The following PLCZ1 variants were observed in gnomAD, a reference collection of about 807,000 sequenced individuals.
PLCZ1 encodes the protein 1-phosphatidylinositol 4,5-bisphosphate phosphodiesterase zeta-1.
A neutral mutation model predicts 76.8 loss-of-function variants in PLCZ1; 64 were observed. The observed-to-expected ratio is 0.83, with a 90% confidence interval of 0.68 to 1.03. The LOEUF is 1.03. Among genes scored for constraint, PLCZ1 ranks in the 50% least tolerant of loss-of-function variants. The pLI is 0.00. For missense variants in PLCZ1, 751 were observed against 713.7 expected (o/e 1.05, Z -0.60); for synonymous variants, 248 against 230.8 (o/e 1.07, Z -0.68).
At chr12:18,721,163 TTAAA>T (rs1958413684) in intron 4 of PLCZ1, among the ~76,000 whole-genome samples, 1 of 152,094 alleles carries the variant, frequency 6.6e-6, no homozygotes, top group South Asian at 2.1e-4. Context: ...TACTGAATAA[TTAAA>T]TAAATATCTT....
chr12:18,714,329 A>T (rs1434173641), intron 5 of PLCZ1, among the ~76,000 whole-genome samples: 1 of 152,230 alleles, frequency 6.6e-6, no homozygotes, highest in African/African-American at 2.4e-5. Context: ...AGCAACACTA[A>T]CATAAGGCAA....
chr12:18,652,886 T>C, the PLCZ1 span, among the ~76,000 whole-genome samples: 1 of 152,012 alleles, frequency 6.6e-6, no homozygotes, highest in African/African-American at 2.4e-5. Flanking sequence ...ACATTGAACA[T>C]ATACATATAT....
the PLCZ1 span, among the ~76,000 whole-genome samples, chr12:18,647,343 G>C: frequency 1.3e-5 from 2 of 151,510 alleles, no homozygotes; most frequent in African/African-American, 2.4e-5. Context: ...CTACCTATTG[G>C]GTGCTACGTT....
chr12:18,696,244 G>C lies in PLCZ1; in HGVS notation c.1197C>G (p.Thr399=). 4 of 1,578,848 alleles carry C rather than the reference G, an allele frequency of 2.5e-6. No homozygotes were observed. Among genetic ancestry groups the C allele is most frequent in the Non-Finnish European group, 3.5e-6 (4 of 1,158,640 alleles). Residue 399 remains threonine (T), a synonymous_variant, in exon 11 of 15, where the codon ACC becomes ACG. Transcript: ENST00000266505. ...KLRVHEFIFH[T]RKFITRIYPK... ...GATATATTCTGGTAATGAACTTCCT[G>C]GTGTGAAAAATAAACTCATGGACTG...
At chr12:18,713,883 A>C (rs1335016172) in intron 5 of PLCZ1, 1 of 152,226 alleles carries the variant, frequency 6.6e-6, no homozygotes, top group African/African-American at 2.4e-5. Flanking sequence ...AGGTTCATTA[A>C]ATCAGTTGTA....
intron 6 of PLCZ1, among the ~76,000 whole-genome samples, chr12:18,705,664 G>A (rs1414133172): frequency 2.0e-5 from 3 of 151,416 alleles, no homozygotes; most frequent in East Asian, 2.0e-4. Context: ...TCAGGAGTTC[G>A]AGGCCAGCTT....
At position 18,688,193 on chromosome 12, in the gene PLCZ1, A is replaced by G. The variant is rs1388903092; in HGVS notation, c.1487T>C (p.Leu496Pro). ...ACCTTTGTTAGATGATGAATGAGTA[A>G]GAGGCAACTGGATACCACTGATGAG... is the stretch of plus-strand genomic sequence containing the variant. Reference protein sequence around the residue: ...IRLISGIQLPLTHSSSNKGDS... With the variant: ...IRLISGIQLPPTHSSSNKGDS... The change falls in exon 13 of 15, where the codon CTT (leucine) becomes CCT (proline). Residue 496 changes from leucine to proline, a missense_variant. Transcript: ENST00000266505. The G allele has an allele frequency of 1.2e-6, 2 of 1,610,668 alleles. No individual in the cohort carries two copies. Among genetic ancestry groups the G allele is most frequent in the East Asian group, 4.5e-5 (2 of 44,690 alleles).
At chr12:18,684,414 T>C in intron 13 of PLCZ1, 135 bp from the exon 14 acceptor site, 1 of 756,308 alleles carries the variant, frequency 1.3e-6, no homozygotes, top group Non-Finnish European at 2.1e-6. Context: ...CATAGGTTTT[T>C]AATATACTCA....
chr12:18,690,237 C>G lies in PLCZ1; in HGVS notation c.1462-2019G>C, dbSNP rs140244206. Among the ~76,000 whole-genome samples, 182 of 148,860 alleles carry G rather than the reference C, an allele frequency of 1.2e-3. No individual in the cohort carries two copies. The East Asian group carries it at 0.027, about 22-fold the overall frequency. On this transcript the variant is annotated intron_variant, in intron 12 of 14. Coordinates refer to ENST00000266505, the MANE Select transcript of PLCZ1 (RefSeq NM_033123.4). ...TGTTTGTTTGTTTGTTTGTTTGTTT[C>G]TTTGAGACGAACTTTGGCTCTTGCT...
In PLCZ1 at chr12:18,684,291, A is replaced by C; in HGVS notation, c.1592-12T>G. 1 of 1,591,586 alleles carries C rather than the reference A, an allele frequency of 6.3e-7. No individual in the cohort carries two copies. Among genetic ancestry groups the C allele is most frequent in the Non-Finnish European group, 8.6e-7 (1 of 1,162,336 alleles). On this transcript the variant is annotated splice_polypyrimidine_tract_variant and intron_variant, in intron 13 of 14. Coordinates refer to ENST00000266505, the MANE Select transcript of PLCZ1 (RefSeq NM_033123.4). Reference sequence around the variant, plus strand: ...TCTTGGACTAAAAGCTGAAATATAAAAAAAGAAGATACAAAGAATAATAGA... The same window carrying C: ...TCTTGGACTAAAAGCTGAAATATAACAAAAGAAGATACAAAGAATAATAGA...
chr12:18,679,876 G>A (rs12298766), downstream of PLCZ1, among the ~76,000 whole-genome samples: 58,934 of 151,820 alleles, frequency 0.39, 13,978 homozygotes, highest in South Asian at 0.59. Flanking sequence ...TTGTGTAAGC[G>A]TAGAAGATAC....
chr12:18,699,596 G>C (rs1472948230), intron 10 of PLCZ1, among the ~76,000 whole-genome samples, 198 bp downstream of exon 10: 1 of 152,074 alleles, frequency 6.6e-6, no homozygotes, highest in Non-Finnish European at 1.5e-5. Flanking sequence ...CATGGCTTAG[G>C]AAAGTTAATT....
the PLCZ1 span, among the ~76,000 whole-genome samples, chr12:18,677,832 C>T: frequency 1.3e-5 from 2 of 151,982 alleles, no homozygotes; most frequent in East Asian, 3.9e-4. Context: ...ATCTATCCTT[C>T]CATTTTGGTT....
At chr12:18,650,692 GTGTGTGTGTGTGTATATATCTATATA>G in the PLCZ1 span, among the ~76,000 whole-genome samples, 27 of 38,656 alleles carry the variant, frequency 7.0e-4, 1 homozygote, top group Middle Eastern at 0.026. Flanking sequence ...GTGTGTGTGT[GTGTGTGTGTGTGTATATATCTATATA>G]TATATATATA....
intron 7 of PLCZ1, among the ~76,000 whole-genome samples, chr12:18,704,077 G>A (rs1565692450): frequency 6.6e-6 from 1 of 152,162 alleles, no homozygotes; most frequent in South Asian, 2.1e-4. Flanking sequence ...AGGAGTGAGG[G>A]AAGGCTAAAG....
intron 10 of PLCZ1, among the ~76,000 whole-genome samples, chr12:18,696,957 C>T (rs1354291985): frequency 6.6e-6 from 1 of 152,138 alleles, no homozygotes; most frequent in Non-Finnish European, 1.5e-5. Flanking sequence ...CATACACACA[C>T]AGTCTATTTT....
At chr12:18,724,750 C>T (rs1958655263) in intron 3 of PLCZ1, among the ~76,000 whole-genome samples, 1 of 151,974 alleles carries the variant, frequency 6.6e-6, no homozygotes, top group African/African-American at 2.4e-5. Context: ...TTCATTTTAG[C>T]CTTATCTCAC....
chr12:18,692,727 G>GA (rs1242724668), intron 12 of PLCZ1: 11 of 880,596 alleles, frequency 1.2e-5, no homozygotes, highest in African/African-American at 3.5e-5. Context: ...TCAACATAAA[G>GA]AAAAAATGTT....
chr12:18,659,185 A>G, the PLCZ1 span, among the ~76,000 whole-genome samples: 2 of 152,176 alleles, frequency 1.3e-5, no homozygotes, highest in Non-Finnish European at 2.9e-5. Context: ...GCTAATATAT[A>G]AAGGTACTCA....
Sources: gnomAD v4.1 joint callset for allele counts (sites outside exome capture counted in the v4.1 genomes callset) on GRCh38, gnomAD v4.1.1 for gene constraint, MANE v1.5 for transcripts, NCBI Gene and HGNC (gene_info 2026-07-23, HGNC 2026-07-21) for gene names.